Variants in DSCAM observed in about 807,000 individuals in gnomAD.
DSCAM encodes cell adhesion molecule DSCAM.
DSCAM carries 47 observed loss-of-function variants against 217.7 expected under a neutral mutation model. The ratio of observed to expected loss-of-function variants is 0.22; its 90% CI spans 0.17 to 0.28. DSCAM has a LOEUF of 0.28. Ranked by LOEUF, DSCAM falls within the 10% of genes least tolerant of loss-of-function variation. The pLI, the probability that DSCAM is intolerant of heterozygous loss-of-function variation, is 1.00. For synonymous variants in DSCAM, 1,056 were observed against 1,015.3 expected, an observed-to-expected ratio of 1.04 and a Z score of -0.76; for missense variants, 2,080 against 2,618.3, an observed-to-expected ratio of 0.79 and a Z score of 4.49.
At chr21:40,106,509 C>G (rs773925748) in intron 20 of DSCAM, among the ~76,000 whole-genome samples, 18 of 152,096 alleles carry the variant, frequency 1.2e-4, no homozygotes, top group Non-Finnish European at 2.5e-4. Context: ...AGGAGTCCCC[C>G]CTCCTAGATT....
chr21:40,123,441 A>G (rs749137037), intron 20 of DSCAM, among the ~76,000 whole-genome samples: 1 of 152,214 alleles, frequency 6.6e-6, no homozygotes, highest in African/African-American at 2.4e-5. Context: ...AGAAAATGTC[A>G]TAATGTTTCC....
At chr21:40,301,076 C>A (rs909330160) in intron 9 of DSCAM, among the ~76,000 whole-genome samples, 6 of 152,178 alleles carry the variant, frequency 3.9e-5, no homozygotes, top group Non-Finnish European at 8.8e-5. Flanking sequence ...AACCTGCCAG[C>A]CAATTCTGTG....
chr21:40,682,818 G>A (rs1395328526), intron 3 of DSCAM, among the ~76,000 whole-genome samples: 3 of 79,712 alleles, frequency 3.8e-5, no homozygotes, highest in African/African-American at 1.6e-4. Context: ...GGGAAGGGAA[G>A]GGAAGGGAAG....
chr21:40,296,251 T>C (rs370702384), intron 9 of DSCAM, 77 bp from the exon 10 acceptor site: 1 of 1,494,608 alleles, frequency 6.7e-7, no homozygotes, highest in Non-Finnish European at 9.2e-7. Context: ...AGAAACTGAA[T>C]CATTTTAATG....
chr21:40,311,977 A>G (rs2074143345), intron 9 of DSCAM, 104 bp downstream of exon 9: 1 of 339,988 alleles, frequency 2.9e-6, no homozygotes, highest in Non-Finnish European at 4.7e-6. Flanking sequence ...ATAAAACTGA[A>G]TTTCTAAGTT....
intron 11 of DSCAM, among the ~76,000 whole-genome samples, chr21:40,201,003 A>C (rs1378953703): frequency 1.3e-5 from 2 of 152,360 alleles, no homozygotes; most frequent in East Asian, 3.9e-4. Flanking sequence ...GGAATTAACA[A>C]ATTCTTAGCA....
At chr21:40,693,060 A>C (rs1202976711) in intron 2 of DSCAM, 104 bp from the exon 3 acceptor site, 1 of 1,285,720 alleles carries the variant, frequency 7.8e-7, no homozygotes, top group East Asian at 2.4e-5. Flanking sequence ...CATCAATTGC[A>C]TAACATATCT....
intron 1 of DSCAM, among the ~76,000 whole-genome samples, chr21:40,748,178 C>A (rs1035961878): frequency 6.6e-6 from 1 of 151,870 alleles, no homozygotes; most frequent in Non-Finnish European, 1.5e-5. Flanking sequence ...CCCACATTCA[C>A]CACTTTTGTT....
At chr21:40,294,584 T>C (rs59433067) in intron 10 of DSCAM, among the ~76,000 whole-genome samples, 4,450 of 152,256 alleles carry the variant, frequency 0.029, 104 homozygotes, top group East Asian at 0.08. Flanking sequence ...GAGTGTTCAT[T>C]TGCTGGAGTG....
chr21:40,592,471 C>T (rs975131872), intron 3 of DSCAM, among the ~76,000 whole-genome samples: 2 of 152,146 alleles, frequency 1.3e-5, no homozygotes, highest in African/African-American at 4.8e-5. Context: ...GTAAAGACCT[C>T]GCTATCATTT....
At chr21:40,416,581 T>C (rs1320264763) in intron 3 of DSCAM, among the ~76,000 whole-genome samples, 1 of 151,838 alleles carries the variant, frequency 6.6e-6, no homozygotes, top group African/African-American at 2.4e-5. Flanking sequence ...AAGAGCAAAA[T>C]GAAAAATGAC....
At chr21:40,099,348 G>A (rs1359632060) in intron 20 of DSCAM, among the ~76,000 whole-genome samples, 1 of 152,170 alleles carries the variant, frequency 6.6e-6, no homozygotes, top group Non-Finnish European at 1.5e-5. Context: ...AAGAATTGAA[G>A]TAAAAAAGGT....
At chr21:40,153,728 C>A (rs2090448081) in intron 16 of DSCAM, among the ~76,000 whole-genome samples, 1 of 152,086 alleles carries the variant, frequency 6.6e-6, no homozygotes, top group African/African-American at 2.4e-5. Flanking sequence ...GGGGGTGGAG[C>A]CTGGTGAGGT....
intron 3 of DSCAM, among the ~76,000 whole-genome samples, chr21:40,530,412 T>C (rs2076434118): frequency 6.6e-6 from 1 of 152,200 alleles, no homozygotes; most frequent in Admixed American, 6.5e-5. Context: ...CTACAAGTTG[T>C]CTTTTGGGAG....
chr21:40,421,100 T>C lies in DSCAM; in HGVS notation c.509-51855A>G, dbSNP rs190814026. 2.1e-3 allele frequency among the ~76,000 whole-genome samples: 319 copies of C among 152,264 alleles called. 1 individual carries two copies. The highest frequency in any genetic ancestry group is 7.3e-3 in the African/African-American group (304 of 41,540). On this transcript the variant is annotated intron_variant, in intron 3 of 32. Coordinates refer to ENST00000400454, the MANE Select transcript of DSCAM (RefSeq NM_001389.5). ...CTTCTCACCTATATTTACCATAATA[T>C]GTTAACCTGACAATTGTTTCAGCCA...
chr21:40,104,255 T>G (rs1046654603), intron 20 of DSCAM, among the ~76,000 whole-genome samples: 1 of 152,210 alleles, frequency 6.6e-6, no homozygotes, highest in Admixed American at 6.5e-5. Context: ...AAAACTAATT[T>G]GTTATCATAT....
rs1427715909 is a variant in DSCAM at position 40,137,261 on chromosome 21, T to TG, written c.3407-3253_3407-3252insC. 4.6e-4 allele frequency among the ~76,000 whole-genome samples: 19 copies of TG among 40,970 alleles called. No individual in the cohort carries two copies. The South Asian group carries it at 5.8e-3, about 13-fold the overall frequency. The allele number at this position is 40,970 out of a possible 152,430, so 26.9% of individuals were successfully genotyped here. ...GTTAATATACTAATTAGAATTAACA[T>TG]TGGGGGGGGGGTTCAAGTTATTTTG... On this transcript the variant is annotated intron_variant, in intron 18 of 32. Coordinates refer to ENST00000400454, the MANE Select transcript of DSCAM (RefSeq NM_001389.5).
intron 9 of DSCAM, among the ~76,000 whole-genome samples, chr21:40,296,767 G>T (rs1262364072): frequency 6.8e-6 from 1 of 146,426 alleles, no homozygotes; most frequent in Non-Finnish European, 1.5e-5. Flanking sequence ...GGAAGCGGAG[G>T]TTGCAGTGAG....
chr21:40,668,369 G>A (rs2090228541), intron 3 of DSCAM, among the ~76,000 whole-genome samples: 1 of 152,176 alleles, frequency 6.6e-6, no homozygotes, highest in Non-Finnish European at 1.5e-5. Context: ...CTTCAGTGCT[G>A]GTAGAACATA....
Sources: gnomAD v4.1 joint callset for allele counts (sites outside exome capture counted in the v4.1 genomes callset) on GRCh38, gnomAD v4.1.1 for gene constraint, MANE v1.5 for transcripts, NCBI Gene and HGNC (gene_info 2026-07-23, HGNC 2026-07-21) for gene names.